OXR1: variants seen among roughly 807,000 people sequenced by gnomAD.
OXR1 encodes the protein oxidation resistance protein 1.
A neutral mutation model predicts 104.6 loss-of-function variants in OXR1; 41 were observed. The ratio of observed to expected loss-of-function variants is 0.39; its 90% CI spans 0.31 to 0.51. The LOEUF (loss-of-function observed/expected upper bound fraction) is 0.51. OXR1 is among the 20% of genes least tolerant of loss of function. The pLI is 0.77. For synonymous variants in OXR1, 348 were observed against 348.4 expected (o/e 1.00, Z 0.01); for missense variants, 955 against 1,031.9 (o/e 0.93, Z 1.02).
intron 2 of OXR1, among the ~76,000 whole-genome samples, chr8:106,383,572 A>T (rs184405772): frequency 6.6e-6 from 1 of 152,332 alleles, no homozygotes; most frequent in East Asian, 1.9e-4. Context: ...GCAAACCATT[A>T]CTTTACAATA....
chr8:106,618,471 ACTG>A (rs1276737002), intron 3 of OXR1, among the ~76,000 whole-genome samples: 1 of 152,224 alleles, frequency 6.6e-6, no homozygotes, highest in Non-Finnish European at 1.5e-5. Flanking sequence ...TGCTGTAGAT[ACTG>A]CTGCTAATTA....
intron 2 of OXR1, among the ~76,000 whole-genome samples, chr8:106,443,386 T>C (rs1819875018): frequency 6.6e-6 from 1 of 152,140 alleles, no homozygotes; most frequent in Admixed American, 6.5e-5. Context: ...TATACTCTGT[T>C]GATTTGGGGT....
intron 11 of OXR1, among the ~76,000 whole-genome samples, chr8:106,734,147 G>A (rs1373063645): frequency 1.3e-5 from 2 of 151,954 alleles, no homozygotes; most frequent in East Asian, 1.9e-4. Flanking sequence ...TTGTAGAGAC[G>A]AGATTTCTCC....
intron 2 of OXR1, among the ~76,000 whole-genome samples, chr8:106,394,582 G>A (rs985871725): frequency 5.9e-5 from 9 of 152,068 alleles, no homozygotes; most frequent in Admixed American, 3.3e-4. Context: ...GCCAAATGAT[G>A]GAATACTACT....
chr8:106,418,651 A>G (rs1355113038), intron 2 of OXR1, among the ~76,000 whole-genome samples: 1 of 152,124 alleles, frequency 6.6e-6, no homozygotes, highest in African/African-American at 2.4e-5. Flanking sequence ...TAGTTTATTT[A>G]TTTACCGAAG....
At chr8:106,452,563 C>T (rs564096030) in intron 2 of OXR1, among the ~76,000 whole-genome samples, 1 of 152,224 alleles carries the variant, frequency 6.6e-6, no homozygotes, top group African/African-American at 2.4e-5. Context: ...CAAAGTGCAT[C>T]ATGGAATTAT....
At chr8:106,668,612 T>C (rs907559507) in intron 3 of OXR1, among the ~76,000 whole-genome samples, 4 of 152,306 alleles carry the variant, frequency 2.6e-5, no homozygotes, top group South Asian at 2.1e-4. Flanking sequence ...TATGGTTCAT[T>C]GGGCAAAGCA....
At chr8:106,644,307 C>CAA (rs988695135) in intron 3 of OXR1, among the ~76,000 whole-genome samples, 2 of 152,116 alleles carry the variant, frequency 1.3e-5, no homozygotes, top group African/African-American at 4.8e-5. Flanking sequence ...AATTGAAAAG[C>CAA]AAAATCATTA....
chr8:106,696,293 C>T lies in OXR1; in HGVS notation c.675+3416C>T, dbSNP rs151025133. Among the ~76,000 whole-genome samples, 680 of 152,242 alleles carry T rather than the reference C, an allele frequency of 4.5e-3. 6 individuals carry two copies. The highest frequency in any genetic ancestry group is 0.015 in the African/African-American group (639 of 41,530). Reference sequence around the variant, plus strand: ...GTTTAAGATTCCTCCATGTCTTTTGCGGATTGACACCTTAATTCTTTTTAC... The same window carrying T: ...GTTTAAGATTCCTCCATGTCTTTTGTGGATTGACACCTTAATTCTTTTTAC... On this transcript the variant is annotated intron_variant, in intron 7 of 16. Coordinates refer to ENST00000517566, the MANE Select transcript of OXR1 (RefSeq NM_001198533.2).
chr8:106,706,044 A>G (rs1448685168), intron 8 of OXR1, among the ~76,000 whole-genome samples: 1 of 152,152 alleles, frequency 6.6e-6, no homozygotes, highest in Non-Finnish European at 1.5e-5. Context: ...ATCAGTGAGT[A>G]AATTTTAGTT....
chr8:106,482,192 A>G (rs922721421), intron 2 of OXR1, among the ~76,000 whole-genome samples: 3 of 151,968 alleles, frequency 2.0e-5, no homozygotes, highest in African/African-American at 4.8e-5. Context: ...TGGCCTTTCT[A>G]TACTTCCGCA....
intron 1 of OXR1, among the ~76,000 whole-genome samples, chr8:106,356,588 T>G (rs1386791771): frequency 6.6e-6 from 1 of 152,086 alleles, no homozygotes; most frequent in Non-Finnish European, 1.5e-5. Flanking sequence ...CCACTTATGG[T>G]TTTTAGTTTT....
intron 1 of OXR1, among the ~76,000 whole-genome samples, chr8:106,296,772 G>C (rs1290990396): frequency 6.6e-6 from 1 of 152,226 alleles, no homozygotes; most frequent in Non-Finnish European, 1.5e-5. Flanking sequence ...GCTGAGGCAG[G>C]TTTAAGAGAG....
chr8:106,457,807 C>T (rs1318496929), intron 2 of OXR1, among the ~76,000 whole-genome samples: 1 of 152,062 alleles, frequency 6.6e-6, no homozygotes, highest in Admixed American at 6.6e-5. Context: ...TACAAAATGG[C>T]AAAGAAGTTG....
intron 3 of OXR1, among the ~76,000 whole-genome samples, chr8:106,534,122 A>G (rs1303237883): frequency 6.6e-6 from 1 of 152,216 alleles, no homozygotes; most frequent in Non-Finnish European, 1.5e-5. Flanking sequence ...TTACAAAAAT[A>G]CAGATGCTGA....
chr8:106,427,455 A>C (rs1316042939), intron 2 of OXR1, among the ~76,000 whole-genome samples: 1 of 151,982 alleles, frequency 6.6e-6, no homozygotes, highest in Non-Finnish European at 1.5e-5. Context: ...GCATGAATTG[A>C]TTTTTAAGAG....
At chr8:106,279,056 G>T (rs1304381298) in intron 1 of OXR1, among the ~76,000 whole-genome samples, 1 of 152,020 alleles carries the variant, frequency 6.6e-6, no homozygotes, top group Non-Finnish European at 1.5e-5. Flanking sequence ...ATCTATTTAG[G>T]TTCTTAAATT....
intron 2 of OXR1, among the ~76,000 whole-genome samples, chr8:106,392,103 CTTGGTACTCTCTGCTGGCAAGTGAGACCT>C (rs1308562509): frequency 6.6e-6 from 1 of 152,218 alleles, no homozygotes; most frequent in Non-Finnish European, 1.5e-5. Flanking sequence ...GCAGTTTGCT[CTTGGTACTCTCTGCTGGCAAGTGAGACCT>C]TAGGACTTAC....
intron 2 of OXR1, among the ~76,000 whole-genome samples, chr8:106,425,083 G>GTTTT (rs748444311): frequency 1.4e-4 from 12 of 83,644 alleles, no homozygotes; most frequent in Non-Finnish European, 1.8e-4. Context: ...GTTTGGTTTG[G>GTTTT]TTTTTTTTTT....
Sources: gnomAD v4.1 joint callset for allele counts (sites outside exome capture counted in the v4.1 genomes callset) on GRCh38, gnomAD v4.1.1 for gene constraint, MANE v1.5 for transcripts, NCBI Gene and HGNC (gene_info 2026-07-23, HGNC 2026-07-21) for gene names.